CSMD1: variants seen among roughly 807,000 people sequenced by gnomAD.
CSMD1 encodes CUB and sushi domain-containing protein 1.
Under a neutral mutation model 417.5 loss-of-function variants are expected in CSMD1, and 213 were observed. That is an observed-to-expected ratio of 0.51 (90% CI 0.46 to 0.57). CSMD1 has a LOEUF of 0.57. CSMD1 is among the 20% of genes least tolerant of loss of function. The pLI, the probability that CSMD1 is intolerant of heterozygous loss-of-function variation, is 0.00. For missense variants in CSMD1, 6,923 were observed against 4,529.7 expected (o/e 1.53, Z -15.17); for synonymous variants, 2,862 against 1,736.8 (o/e 1.65, Z -16.11).
intron 12 of CSMD1, among the ~76,000 whole-genome samples, chr8:3,444,969 G>A (rs1317502752): frequency 2.0e-5 from 3 of 152,172 alleles, no homozygotes; most frequent in African/African-American, 7.2e-5. Flanking sequence ...AAGTCCTCAT[G>A]TCAGAAAAAC....
chr8:3,359,294 G>A lies in CSMD1; in HGVS notation c.3162C>T (p.Ser1054=), dbSNP rs778760372. ...CACCAAAGTGAAAACCAATTCTTCGGCTGAAGGCAGGGACTCCAGGATCAT... is the reference window on the plus strand; with the variant it reads ...CACCAAAGTGAAAACCAATTCTTCGACTGAAGGCAGGGACTCCAGGATCAT... ...PCDDPGVPAF[S]RRIGFHFGVG... Residue 1054 remains serine (S), a synonymous_variant, in exon 21 of 70, where the codon AGC becomes AGT. Coordinates refer to ENST00000635120, the MANE Select transcript of CSMD1 (RefSeq NM_033225.6). 1.2e-6 allele frequency: 2 copies of A among 1,613,764 alleles called. No homozygotes were observed. Among genetic ancestry groups the A allele is most frequent in the South Asian group, 1.1e-5 (1 of 91,062 alleles).
chr8:3,161,815 T>A (rs1248146469), intron 38 of CSMD1, among the ~76,000 whole-genome samples: 1 of 152,114 alleles, frequency 6.6e-6, no homozygotes, highest in Non-Finnish European at 1.5e-5. Flanking sequence ...CAGGTGCACA[T>A]ACAGAAGCAG....
chr8:4,669,358 G>A (rs963905292), intron 1 of CSMD1, among the ~76,000 whole-genome samples: 6 of 152,104 alleles, frequency 3.9e-5, no homozygotes, highest in Admixed American at 6.6e-5. Context: ...CCTCCAATCC[G>A]TATTTCTCGA....
At chr8:4,534,134 G>C (rs551844663) in intron 2 of CSMD1, among the ~76,000 whole-genome samples, 21 of 152,234 alleles carry the variant, frequency 1.4e-4, no homozygotes, top group Non-Finnish European at 2.6e-4. Flanking sequence ...AATGGCATTT[G>C]TCAGAACTTT....
At chr8:3,623,738 G>T (rs147836917) in intron 7 of CSMD1, among the ~76,000 whole-genome samples, 2 of 152,078 alleles carry the variant, frequency 1.3e-5, no homozygotes, top group Non-Finnish European at 2.9e-5. Context: ...CACTTTGGGA[G>T]GCCAAGGCAG....
chr8:4,642,341 G>A (rs1803244298), intron 1 of CSMD1, among the ~76,000 whole-genome samples: 1 of 152,142 alleles, frequency 6.6e-6, no homozygotes, highest in South Asian at 2.1e-4. Flanking sequence ...ATGGCCCTGT[G>A]CCCTCATCAT....
At chr8:4,017,465 C>T (rs1391151264) in intron 4 of CSMD1, among the ~76,000 whole-genome samples, 1 of 152,022 alleles carries the variant, frequency 6.6e-6, no homozygotes, top group Non-Finnish European at 1.5e-5. Flanking sequence ...CACCAGCATT[C>T]CCAGCTAATT....
At chr8:4,308,649 G>A (rs1220004739) in intron 3 of CSMD1, among the ~76,000 whole-genome samples, 1 of 152,166 alleles carries the variant, frequency 6.6e-6, no homozygotes, top group Non-Finnish European at 1.5e-5. Context: ...CTTATTCCAA[G>A]AACAGTTTAT....
At chr8:4,611,754 T>C (rs1414510840) in intron 2 of CSMD1, among the ~76,000 whole-genome samples, 1 of 152,224 alleles carries the variant, frequency 6.6e-6, no homozygotes, top group Non-Finnish European at 1.5e-5. Context: ...GTGAGTCATC[T>C]ATTCAAAATG....
intron 2 of CSMD1, among the ~76,000 whole-genome samples, chr8:4,635,694 C>T (rs186536945): frequency 9.2e-5 from 14 of 152,006 alleles, no homozygotes; most frequent in Admixed American, 2.6e-4. Context: ...ACTACTATAC[C>T]CTAGTAGCGT....
intron 8 of CSMD1, among the ~76,000 whole-genome samples, chr8:3,598,494 A>G (rs1488871314): frequency 6.6e-6 from 1 of 152,144 alleles, no homozygotes; most frequent in Non-Finnish European, 1.5e-5. Flanking sequence ...AAGTGGGGAC[A>G]TCCTTTCCTT....
In CSMD1 at chr8:4,559,510, C is replaced by T. The variant is rs185787533; in HGVS notation, c.302+77832G>A. On this transcript the variant is annotated intron_variant, in intron 2 of 69. Transcript: ENST00000635120. The stretch of plus-strand genomic sequence containing the variant: ...AAAATTCCTTTAGAAAGGTGAGAGA[C>T]GAGGGTTCATATTAAGTTCTTGGAA... Among the ~76,000 whole-genome samples, 23 of 152,206 alleles carry T rather than the reference C, an allele frequency of 1.5e-4. No homozygotes were observed. In the East Asian group the frequency reaches 3.3e-3, roughly 22 times the overall value.
chr8:4,557,711 T>C (rs1484349919), intron 2 of CSMD1, among the ~76,000 whole-genome samples: 1 of 152,126 alleles, frequency 6.6e-6, no homozygotes, highest in Non-Finnish European at 1.5e-5. Flanking sequence ...AGGTCAGATT[T>C]AATAAATTTC....
At chr8:3,152,637 G>A (rs926606239) in intron 39 of CSMD1, among the ~76,000 whole-genome samples, 1 of 152,170 alleles carries the variant, frequency 6.6e-6, no homozygotes, top group Non-Finnish European at 1.5e-5. Flanking sequence ...TTCAAACATT[G>A]TATAAGTTGA....
chr8:4,916,000 A>G (rs1385218726), intron 1 of CSMD1, among the ~76,000 whole-genome samples: 1 of 152,176 alleles, frequency 6.6e-6, no homozygotes, highest in Admixed American at 6.5e-5. Flanking sequence ...TCCAGCTTGC[A>G]AGAGCTACAC....
At chr8:4,980,176 C>T (rs1291808812) in intron 1 of CSMD1, among the ~76,000 whole-genome samples, 1 of 152,218 alleles carries the variant, frequency 6.6e-6, no homozygotes, top group Admixed American at 6.5e-5. Flanking sequence ...AGTTCTGTGT[C>T]ACCAGTGACA....
At chr8:3,524,170 C>T (rs898893284) in intron 10 of CSMD1, among the ~76,000 whole-genome samples, 2 of 151,550 alleles carry the variant, frequency 1.3e-5, no homozygotes, top group African/African-American at 4.8e-5. Flanking sequence ...CAGAGACGTG[C>T]ACACACATGC....
rs1008760068 is a variant in CSMD1 at position 4,057,708 on chromosome 8, G to T, written c.416-25609C>A. On this transcript the variant is annotated intron_variant, in intron 3 of 69. Transcript: ENST00000635120. The stretch of plus-strand genomic sequence containing the variant: ...TTTAATCTATCTTGAATTGATTTCT[G>T]TACAAGGTGTAAGGAAGGGATCCAG... Among the ~76,000 whole-genome samples, 6 of 151,840 alleles carry T rather than the reference G, an allele frequency of 4.0e-5. No homozygotes were observed. The East Asian group carries it at 1.2e-3, about 30-fold the overall frequency.
chr8:3,312,533 C>G (rs1157372948), intron 23 of CSMD1, among the ~76,000 whole-genome samples: 1 of 152,174 alleles, frequency 6.6e-6, no homozygotes, highest in Admixed American at 6.5e-5. Context: ...CTGAAGAGAG[C>G]TTTGTTCTCT....
Sources: gnomAD v4.1 joint callset for allele counts (sites outside exome capture counted in the v4.1 genomes callset) on GRCh38, gnomAD v4.1.1 for gene constraint, MANE v1.5 for transcripts, NCBI Gene and HGNC (gene_info 2026-07-23, HGNC 2026-07-21) for gene names.